Variants in HDAC9 observed in about 807,000 individuals in gnomAD.
HDAC9 encodes histone deacetylase 9, also known as MEF-2 interacting transcription repressor (MITR) protein.
In HDAC9, 41 loss-of-function variants were observed where a neutral mutation model predicts 139.4. The observed-to-expected ratio is 0.29, with a 90% CI of 0.23 to 0.38. The LOEUF (loss-of-function observed/expected upper bound fraction) is 0.38. HDAC9 is among the 10% of genes least tolerant of loss of function. The pLI is 1.00. For missense variants in HDAC9, 1,147 were observed against 1,297.0 expected (o/e 0.88, Z 1.78); for synonymous variants, 517 against 476.2 (o/e 1.09, Z -1.12).
intron 1 of HDAC9, among the ~76,000 whole-genome samples, chr7:18,383,142 C>A (rs1785590754): frequency 6.6e-6 from 1 of 152,106 alleles, no homozygotes; most frequent in African/African-American, 2.4e-5. Flanking sequence ...AACCACCATA[C>A]ATAATTTGAT....
chr7:18,922,233 ATAAT>A (rs1454573139), intron 22 of HDAC9, among the ~76,000 whole-genome samples: 3 of 152,098 alleles, frequency 2.0e-5, no homozygotes, highest in African/African-American at 7.2e-5. Context: ...TATAATAATA[ATAAT>A]TAAAAAACAT....
At chr7:18,919,257 T>G (rs1803477275) in intron 22 of HDAC9, among the ~76,000 whole-genome samples, 1 of 152,058 alleles carries the variant, frequency 6.6e-6, no homozygotes, top group Admixed American at 6.6e-5. Flanking sequence ...TTGGAAGGTT[T>G]TCTTCATGTT....
chr7:18,408,139 T>A (rs1466579510), intron 1 of HDAC9, among the ~76,000 whole-genome samples: 1 of 152,170 alleles, frequency 6.6e-6, no homozygotes, highest in African/African-American at 2.4e-5. Flanking sequence ...GTATGATGAT[T>A]TTGTTAATTT....
chr7:18,126,318 C>A lies in HDAC9; in HGVS notation c.-96-35911C>A, dbSNP rs184592731. 1.1e-4 allele frequency among the ~76,000 whole-genome samples: 17 copies of A among 152,120 alleles called. No individual in the cohort carries two copies. The South Asian group carries it at 1.7e-3, about 15-fold the overall frequency. On this transcript the variant is annotated intron_variant, in intron 1 of 12. Transcript: ENST00000417496. ...TGGATCTTGTTAAGACTTGAAAACCCCAGGTGAATGATAGCGTTGGGTCAG... is the reference window on the plus strand; with the variant it reads ...TGGATCTTGTTAAGACTTGAAAACCACAGGTGAATGATAGCGTTGGGTCAG...
At chr7:18,288,640 A>G (rs1230900240), upstream of HDAC9, among the ~76,000 whole-genome samples, 2 of 152,210 alleles carry the variant, frequency 1.3e-5, no homozygotes, top group South Asian at 2.1e-4. Context: ...TGTATAAACT[A>G]TGAGCTTTGT....
At chr7:18,429,791 T>A (rs1054362501) in intron 1 of HDAC9, among the ~76,000 whole-genome samples, 1 of 152,180 alleles carries the variant, frequency 6.6e-6, no homozygotes, top group Non-Finnish European at 1.5e-5. Flanking sequence ...TACACTTCCA[T>A]TGAGTAGAGA....
chr7:18,389,360 A>G (rs143417343), intron 1 of HDAC9, among the ~76,000 whole-genome samples: 21 of 152,356 alleles, frequency 1.4e-4, no homozygotes, highest in African/African-American at 4.6e-4. Context: ...CATTTAGGAC[A>G]GCACAGCAGC....
At chr7:18,159,571 G>A (rs1160808582) in intron 1 of HDAC9, among the ~76,000 whole-genome samples, 1 of 152,122 alleles carries the variant, frequency 6.6e-6, no homozygotes, top group African/African-American at 2.4e-5. Context: ...GTGAGGAGAG[G>A]GAAGCATATA....
intron 2 of HDAC9, among the ~76,000 whole-genome samples, chr7:18,201,759 C>T (rs749460090): frequency 3.9e-5 from 6 of 152,218 alleles, no homozygotes; most frequent in Admixed American, 1.3e-4. Flanking sequence ...CACTGGTATT[C>T]TGAAACCAAT....
At chr7:18,742,774 G>A (rs1488412964) in intron 13 of HDAC9, among the ~76,000 whole-genome samples, 1 of 152,002 alleles carries the variant, frequency 6.6e-6, no homozygotes, top group East Asian at 1.9e-4. Context: ...TTTCTGAAAT[G>A]TAAATTCCTT....
In HDAC9 at chr7:19,000,141, T is replaced by A. The variant is rs1167351009; in HGVS notation, c.*4079T>A. On this transcript the variant is annotated 3_prime_UTR_variant, in exon 26 of 26. Coordinates refer to ENST00000686413, the MANE Select transcript of HDAC9 (RefSeq NM_178425.4). The stretch of plus-strand genomic sequence containing the variant: ...GTCTATGCTAAGAAGTGAAGGCATT[T>A]TGTTGTCTTCAGAACTGATCAACAT... 3 of 152,224 alleles carry A rather than the reference T, an allele frequency of 2.0e-5. No individual in the cohort carries two copies. The highest frequency in any genetic ancestry group is 7.2e-5 in the African/African-American group (3 of 41,460). 9.4% of individuals were successfully genotyped at this position (152,224 alleles called of 1,614,324 possible). A position where few individuals can be genotyped will look rare whatever the true frequency, so the allele number is the denominator to read the frequency against.
intron 9 of HDAC9, among the ~76,000 whole-genome samples, chr7:18,647,440 A>G (rs983081972): frequency 2.0e-5 from 3 of 152,256 alleles, no homozygotes; most frequent in South Asian, 4.1e-4. Context: ...CATGTACAAT[A>G]TATTGTTATT....
intron 21 of HDAC9, among the ~76,000 whole-genome samples, chr7:18,846,762 C>T (rs1330417497): frequency 2.0e-5 from 3 of 152,100 alleles, no homozygotes; most frequent in African/African-American, 4.8e-5. Context: ...AGGGGGGCAA[C>T]GGTGTTTTAA....
chr7:18,554,978 G>A (rs1583332491), intron 2 of HDAC9, among the ~76,000 whole-genome samples: 1 of 152,256 alleles, frequency 6.6e-6, no homozygotes, highest in East Asian at 1.9e-4. Flanking sequence ...AATTCTATGT[G>A]TGAAGTGCAT....
At chr7:18,740,921 A>G (rs1787390174) in intron 13 of HDAC9, among the ~76,000 whole-genome samples, 1 of 152,204 alleles carries the variant, frequency 6.6e-6, no homozygotes, top group Non-Finnish European at 1.5e-5. Flanking sequence ...CAGCCACAGT[A>G]TTTCCTTCAG....
intron 1 of HDAC9, among the ~76,000 whole-genome samples, chr7:18,328,589 G>T (rs1044973800): frequency 1.3e-5 from 2 of 151,814 alleles, no homozygotes; most frequent in East Asian, 1.9e-4. Context: ...TTGTGAATAT[G>T]GTGTTCACAT....
At chr7:18,310,313 G>A (rs1198440424) in intron 1 of HDAC9, among the ~76,000 whole-genome samples, 1 of 152,184 alleles carries the variant, frequency 6.6e-6, no homozygotes, top group Non-Finnish European at 1.5e-5. Context: ...CACTGGGATA[G>A]ATATTTCTTT....
rs1056065101 is a variant in HDAC9 at position 18,496,024 on chromosome 7, G to A, written c.-42+1G>A. 1.1e-4 allele frequency: 163 copies of A among 1,431,258 alleles called. No individual in the cohort carries two copies. The highest frequency in any genetic ancestry group is 1.4e-4 in the Non-Finnish European group (157 of 1,097,282). The allele number at this position is 1,431,258 out of a possible 1,614,324, so 88.7% of individuals were successfully genotyped here. ...TCTGTCCTTTCTGCTTTGCACACAG[G>A]TTGGTAACATGGGAAAAGTGTCCAG... is the stretch of plus-strand genomic sequence containing the variant. On this transcript the variant is annotated splice_donor_variant, in intron 1 of 25. Transcript: ENST00000686413. LOFTEE classifies it low-confidence loss of function (5UTR_SPLICE).
At chr7:18,528,631 A>T (rs1807747563) in intron 2 of HDAC9, among the ~76,000 whole-genome samples, 1 of 152,192 alleles carries the variant, frequency 6.6e-6, no homozygotes, top group African/African-American at 2.4e-5. Flanking sequence ...ATTTTATTCT[A>T]GGAAATCATT....
Sources: gnomAD v4.1 joint callset for allele counts (sites outside exome capture counted in the v4.1 genomes callset) on GRCh38, gnomAD v4.1.1 for gene constraint, MANE v1.5 for transcripts, NCBI Gene and HGNC (gene_info 2026-07-23, HGNC 2026-07-21) for gene names.